The following PTPN13 variants were observed in gnomAD, a reference collection of about 807,000 sequenced individuals.
PTPN13 encodes tyrosine-protein phosphatase non-receptor type 13.
A neutral mutation model predicts 284.0 loss-of-function variants in PTPN13; 191 were observed. That is an observed-to-expected ratio of 0.67 (90% CI 0.60 to 0.76). PTPN13 has a LOEUF of 0.76. Among genes scored for constraint, PTPN13 ranks in the 30% least tolerant of loss-of-function variants. The pLI is 0.00. For synonymous variants in PTPN13, 986 were observed against 1,022.3 expected, an observed-to-expected ratio of 0.96 and a Z score of 0.68; for missense variants, 2,797 against 2,939.9, an observed-to-expected ratio of 0.95 and a Z score of 1.12.
rs2149141949 is a variant in PTPN13, at chr4:86,735,745, A to C, written c.2303A>C (p.Lys768Thr). 1 of 1,608,140 alleles carries C rather than the reference A, an allele frequency of 6.2e-7. No individual in the cohort carries two copies. The highest frequency in any genetic ancestry group is 8.5e-7 in the Non-Finnish European group (1 of 1,178,084). ...SEKETELEFL[K>T]VCQRLTEYGV... ...AAAGAGACAGAGTTAGAATTTTTAA[A>C]GGTAAGCATCCAAGATTACAAATGA... is the stretch of plus-strand genomic sequence containing the variant. The change falls in exon 15 of 48, where the codon AAG becomes ACG. Residue 768 changes from lysine (K) to threonine (T), a missense_variant and splice_region_variant. Lys to Thr is a moderately conservative substitution (Grantham distance 78). Transcript: ENST00000411767.
At chr4:86,800,523 G>A (rs1033854314) in intron 42 of PTPN13, among the ~76,000 whole-genome samples, 2 of 151,902 alleles carry the variant, frequency 1.3e-5, no homozygotes, top group Admixed American at 1.3e-4. Context: ...ATGGTGGCAG[G>A]CACCTGTGAT....
intron 15 of PTPN13, among the ~76,000 whole-genome samples, chr4:86,736,067 G>A (rs1380231887): frequency 6.6e-6 from 1 of 152,108 alleles, no homozygotes; most frequent in Admixed American, 6.5e-5. Context: ...AATGAATTTG[G>A]TGAATGGCTT....
intron 27 of PTPN13, among the ~76,000 whole-genome samples, chr4:86,767,057 C>A (rs1350242115): frequency 1.3e-5 from 2 of 151,370 alleles, no homozygotes; most frequent in Non-Finnish European, 2.9e-5. Context: ...GTAGCTGGGA[C>A]TACAGGCTTG....
At chr4:86,761,089 T>G (rs965124667) in intron 23 of PTPN13, among the ~76,000 whole-genome samples, 1 of 148,660 alleles carries the variant, frequency 6.7e-6, no homozygotes, top group Non-Finnish European at 1.5e-5. Context: ...TTGGCATACA[T>G]GTAGCCTTCT....
intron 2 of PTPN13, among the ~76,000 whole-genome samples, chr4:86,642,975 CA>C (rs1165013539): frequency 6.6e-6 from 1 of 152,056 alleles, no homozygotes; most frequent in Non-Finnish European, 1.5e-5. Flanking sequence ...TTGTCCAAAA[CA>C]GTAATTTTTT....
chr4:86,742,706 C>T (rs569194328), intron 16 of PTPN13, among the ~76,000 whole-genome samples: 3 of 152,278 alleles, frequency 2.0e-5, no homozygotes, highest in African/African-American at 7.2e-5. Flanking sequence ...CACATCTTCT[C>T]AAGATTGTCA....
chr4:86,598,907 G>A (rs530962889), intron 1 of PTPN13, among the ~76,000 whole-genome samples: 2 of 152,248 alleles, frequency 1.3e-5, no homozygotes, highest in South Asian at 4.1e-4. Context: ...TGATACTGCA[G>A]GTGCGCGCTA....
chr4:86,767,726 A>G (rs2149263712), intron 27 of PTPN13, 91 bp from the exon 28 acceptor site: 1 of 1,054,206 alleles, frequency 9.5e-7, no homozygotes, highest in East Asian at 2.9e-5. Context: ...ACTTTAAATG[A>G]TTTTATACCA....
chr4:86,670,793 A>G (rs1294648021), intron 2 of PTPN13, among the ~76,000 whole-genome samples: 1 of 152,192 alleles, frequency 6.6e-6, no homozygotes, highest in Non-Finnish European at 1.5e-5. Flanking sequence ...TTTTCCAGCT[A>G]GATTGTGTGT....
At chr4:86,612,882 C>G (rs1435082026) in intron 1 of PTPN13, among the ~76,000 whole-genome samples, 1 of 152,108 alleles carries the variant, frequency 6.6e-6, no homozygotes, top group Non-Finnish European at 1.5e-5. Flanking sequence ...CTTTCAAAAA[C>G]AAAGGCGAAA....
intron 17 of PTPN13, among the ~76,000 whole-genome samples, chr4:86,748,271 T>C (rs1737000638): frequency 6.6e-6 from 1 of 152,182 alleles, no homozygotes; most frequent in Non-Finnish European, 1.5e-5. Flanking sequence ...TAGCGAGCCT[T>C]TGTGTTCAAA....
chr4:86,713,016 G>T (rs1452235533), intron 7 of PTPN13, among the ~76,000 whole-genome samples: 1 of 152,026 alleles, frequency 6.6e-6, no homozygotes, highest in African/African-American at 2.4e-5. Flanking sequence ...CAGCCACTTT[G>T]CAAAAATAGC....
At position 86,732,620 on chromosome 4, in the gene PTPN13, G is replaced by A. The variant is rs371279294; in HGVS notation, c.1712G>A (p.Arg571Gln). The change falls in exon 12 of 48, where the codon CGA (arginine) becomes CAA (glutamine). Residue 571 changes from arginine (R) to glutamine (Q), a missense_variant. By Grantham distance (43) the Arg-to-Gln change is conservative. Coordinates refer to ENST00000411767, the MANE Select transcript of PTPN13 (RefSeq NM_080683.3). The part of the protein sequence containing the change: ...LTKKGKNEDN[R>Q]RKVNIMLLNG... The stretch of plus-strand genomic sequence containing the variant: ...AAGAAAGGGAAGAATGAGGATAACC[G>A]AAGGAAAGTAAACATAATGCTTCTG... 9.3e-6 allele frequency: 15 copies of A among 1,613,238 alleles called. No homozygotes were observed. Among genetic ancestry groups the A allele is most frequent in the South Asian group, 2.2e-5 (2 of 90,990 alleles).
At chr4:86,609,829 T>C (rs1040894973) in intron 1 of PTPN13, among the ~76,000 whole-genome samples, 5 of 152,168 alleles carry the variant, frequency 3.3e-5, no homozygotes, top group African/African-American at 1.2e-4. Context: ...TTGACAAATA[T>C]TGGGTACAAC....
chr4:86,727,429 A>C (rs530374481), intron 10 of PTPN13, among the ~76,000 whole-genome samples: 1 of 149,656 alleles, frequency 6.7e-6, no homozygotes, highest in South Asian at 2.1e-4. Flanking sequence ...TTCGGCTGTC[A>C]GTCTCTCTGG....
chr4:86,724,255 A>G (rs1368216166), intron 10 of PTPN13, among the ~76,000 whole-genome samples: 2 of 152,314 alleles, frequency 1.3e-5, no homozygotes, highest in Admixed American at 6.5e-5. Context: ...TCAATTCATT[A>G]TTACCAATAT....
intron 3 of PTPN13, among the ~76,000 whole-genome samples, chr4:86,675,636 T>A (rs1292014469): frequency 1.3e-5 from 2 of 152,174 alleles, no homozygotes. Flanking sequence ...AAAACTCCCT[T>A]ACTATCAACT....
chr4:86,605,540 A>G (rs1020410684), intron 1 of PTPN13, among the ~76,000 whole-genome samples: 1 of 151,924 alleles, frequency 6.6e-6, no homozygotes, highest in African/African-American at 2.4e-5. Context: ...AGAGGTATTC[A>G]TTTTAGTCAG....
chr4:86,808,209 T>C (rs1744854435), intron 45 of PTPN13, among the ~76,000 whole-genome samples: 1 of 152,250 alleles, frequency 6.6e-6, no homozygotes, highest in Non-Finnish European at 1.5e-5. Flanking sequence ...TGTTGGAAAC[T>C]TGTGTTTTTA....
Sources: gnomAD v4.1 joint callset for allele counts (sites outside exome capture counted in the v4.1 genomes callset) on GRCh38, gnomAD v4.1.1 for gene constraint, MANE v1.5 for transcripts, NCBI Gene and HGNC (gene_info 2026-07-23, HGNC 2026-07-21) for gene names.